ELAPOR2: variants seen among roughly 807,000 people sequenced by gnomAD.
ELAPOR2 encodes the protein endosome-lysosome associated apoptosis and autophagy regulator family member 2.
ELAPOR2 carries 89 observed loss-of-function variants against 120.7 expected under a neutral mutation model. That is an observed-to-expected ratio of 0.74 (90% confidence interval 0.62 to 0.88). The LOEUF (loss-of-function observed/expected upper bound fraction) is 0.88, where lower values mean the gene tolerates loss of function less well. Ranked by LOEUF, ELAPOR2 falls within the 40% of genes least tolerant of loss-of-function variation. The pLI is 0.00. For missense variants in ELAPOR2, 1,134 were observed against 1,251.6 expected, an observed-to-expected ratio of 0.91 and a Z score of 1.42; for synonymous variants, 444 against 444.9, an observed-to-expected ratio of 1.00 and a Z score of 0.03.
chr7:86,932,563 T>G (rs994705034), intron 8 of ELAPOR2, among the ~76,000 whole-genome samples: 1 of 151,932 alleles, frequency 6.6e-6, no homozygotes, highest in African/African-American at 2.4e-5. Context: ...ATCTTAAGTC[T>G]TTTCTGTTTA....
chr7:87,038,802 A>C (rs1444836977), intron 1 of ELAPOR2, among the ~76,000 whole-genome samples: 1 of 152,114 alleles, frequency 6.6e-6, no homozygotes, highest in Non-Finnish European at 1.5e-5. Context: ...ATTAAGAGGG[A>C]AGTTTATAGC....
chr7:86,959,515 A>G (rs766771765), intron 2 of ELAPOR2, among the ~76,000 whole-genome samples: 5 of 152,172 alleles, frequency 3.3e-5, no homozygotes, highest in Non-Finnish European at 4.4e-5. Context: ...GCCTAAGTTA[A>G]GAGTTTGTAT....
chr7:86,948,493 C>T (rs1244312437), intron 2 of ELAPOR2, among the ~76,000 whole-genome samples: 3 of 152,024 alleles, frequency 2.0e-5, no homozygotes, highest in African/African-American at 7.3e-5. Flanking sequence ...CATACTAAGT[C>T]CAGATAAAAT....
At chr7:86,995,222 T>A (rs890670416) in intron 1 of ELAPOR2, among the ~76,000 whole-genome samples, 7 of 152,200 alleles carry the variant, frequency 4.6e-5, no homozygotes, top group African/African-American at 1.7e-4. Context: ...GATAGGGTCA[T>A]GCTCACCTCT....
chr7:86,990,993 C>T (rs542510675), intron 1 of ELAPOR2, among the ~76,000 whole-genome samples: 2 of 152,216 alleles, frequency 1.3e-5, no homozygotes, highest in Non-Finnish European at 2.9e-5. Context: ...GTATGTTTGC[C>T]ACTAAAAAAT....
intron 1 of ELAPOR2, among the ~76,000 whole-genome samples, chr7:87,054,493 T>C (rs137899917): frequency 7.2e-5 from 11 of 152,322 alleles, no homozygotes; most frequent in African/African-American, 2.4e-4. Context: ...GTTAACTGCT[T>C]GAAAACAGAG....
intron 1 of ELAPOR2, among the ~76,000 whole-genome samples, chr7:87,001,797 T>C (rs1793328219): frequency 6.6e-6 from 1 of 152,130 alleles, no homozygotes; most frequent in Non-Finnish European, 1.5e-5. Context: ...AAGAAATGTA[T>C]AGCCAAGAAA....
intron 7 of ELAPOR2, 102 bp downstream of exon 7, chr7:86,938,706 G>T: frequency 8.4e-7 from 1 of 1,195,238 alleles, no homozygotes; most frequent in Non-Finnish European, 1.2e-6. Flanking sequence ...TTGGTTTCAG[G>T]CACCACTGCT....
At chr7:86,936,745 C>A (rs890156673) in intron 8 of ELAPOR2, among the ~76,000 whole-genome samples, 1 of 152,036 alleles carries the variant, frequency 6.6e-6, no homozygotes, top group African/African-American at 2.4e-5. Flanking sequence ...ATTTAATATA[C>A]GGTCTTGCAT....
intron 10 of ELAPOR2, among the ~76,000 whole-genome samples, chr7:86,922,627 C>T (rs1789882027): frequency 6.6e-6 from 1 of 151,794 alleles, no homozygotes; most frequent in South Asian, 2.1e-4. Context: ...ACTTCATAAA[C>T]ATGTTAATGA....
In ELAPOR2 at chr7:86,897,716, A is replaced by T. The variant is rs373680470; in HGVS notation, c.2559-84T>A. ...CACTCTAATCAACACCAGAATACCT[A>T]TCACATGCTGGGGAGCACTGTGTGG... is the stretch of plus-strand genomic sequence containing the variant. On this transcript the variant is annotated intron_variant, in intron 18 of 21. Transcript: ENST00000450689. The T allele has an allele frequency of 3.2e-5, 47 of 1,480,924 alleles. No homozygotes were observed. In the African/African-American group the frequency reaches 6.0e-4, roughly 19 times the overall value. 91.7% of individuals were successfully genotyped at this position (1,480,924 alleles called of 1,614,324 possible). A position where few individuals can be genotyped will look rare whatever the true frequency, so the allele number is the denominator to read the frequency against.
intron 1 of ELAPOR2, among the ~76,000 whole-genome samples, chr7:87,034,641 C>A (rs1265725632): frequency 2.6e-5 from 4 of 151,924 alleles, no homozygotes; most frequent in Admixed American, 6.6e-5. Flanking sequence ...TATTTATATG[C>A]CTAAGAATTA....
chr7:86,954,014 G>A (rs951819440), intron 2 of ELAPOR2, among the ~76,000 whole-genome samples: 3 of 152,146 alleles, frequency 2.0e-5, no homozygotes, highest in Non-Finnish European at 2.9e-5. Flanking sequence ...AATCTGTAAA[G>A]GTTTAAATAT....
At chr7:87,008,260 A>C (rs1793547706) in intron 1 of ELAPOR2, among the ~76,000 whole-genome samples, 1 of 152,200 alleles carries the variant, frequency 6.6e-6, no homozygotes, top group Non-Finnish European at 1.5e-5. Flanking sequence ...CTGGACAGAC[A>C]TTCTACAAAA....
chr7:86,929,428 G>A (rs1454660713), intron 8 of ELAPOR2, among the ~76,000 whole-genome samples: 1 of 151,904 alleles, frequency 6.6e-6, no homozygotes, highest in Non-Finnish European at 1.5e-5. Context: ...AGCCAAGCAG[G>A]CAATTTCTTA....
chr7:86,907,675 G>A lies in ELAPOR2; in HGVS notation c.2553C>T (p.Val851=). 2 of 1,564,304 alleles carry A rather than the reference G, an allele frequency of 1.3e-6. No individual in the cohort carries two copies. Among genetic ancestry groups the A allele is most frequent in the Non-Finnish European group, 1.7e-6 (2 of 1,158,700 alleles). The change falls in exon 18 of 22, where the codon GTC becomes GTT. Residue 851 remains valine (V), a synonymous_variant. Transcript: ENST00000450689. The part of the protein sequence containing the change: ...PTKSGAGVIS[V]PSKCPAGTCD... ...TCATATGGAAATAAGGATACCTGGG[G>A]ACTGAAATCACTCCTGCTCCAGATT...
At chr7:86,980,188 C>G (rs966423518) in intron 1 of ELAPOR2, among the ~76,000 whole-genome samples, 13 of 152,168 alleles carry the variant, frequency 8.5e-5, no homozygotes, top group Non-Finnish European at 1.6e-4. Context: ...TAATAAAACT[C>G]TGGTACGTTT....
chr7:86,886,544 C>A (rs1426362571), intron 21 of ELAPOR2, among the ~76,000 whole-genome samples: 3 of 152,116 alleles, frequency 2.0e-5, no homozygotes, highest in Non-Finnish European at 4.4e-5. Context: ...CCAGCTATAG[C>A]CATTAGTTGG....
intron 1 of ELAPOR2, among the ~76,000 whole-genome samples, chr7:87,020,219 A>T (rs1167890404): frequency 6.6e-6 from 1 of 152,164 alleles, no homozygotes; most frequent in Admixed American, 6.5e-5. Flanking sequence ...AAAGTACCAC[A>T]GCAAAACATA....
Sources: gnomAD v4.1 joint callset for allele counts (sites outside exome capture counted in the v4.1 genomes callset) on GRCh38, gnomAD v4.1.1 for gene constraint, MANE v1.5 for transcripts, NCBI Gene and HGNC (gene_info 2026-07-23, HGNC 2026-07-21) for gene names.